FBXW7: variants seen among roughly 807,000 people sequenced by gnomAD.
The protein encoded by FBXW7 is F-box and WD repeat domain containing 7, also known as F-box/WD repeat-containing protein 7.
In FBXW7, 11 loss-of-function variants were observed where a neutral mutation model predicts 86.3. That is an observed-to-expected ratio of 0.13 (90% CI 0.08 to 0.21). The LOEUF is 0.21. Among genes scored for constraint, FBXW7 ranks in the 10% least tolerant of loss-of-function variants. The pLI, the probability that FBXW7 is intolerant of heterozygous loss-of-function variation, is 1.00. For missense variants in FBXW7, 488 were observed against 847.4 expected (o/e 0.58, Z 5.27); for synonymous variants, 313 against 297.9 (o/e 1.05, Z -0.52).
chr4:152,477,397 T>A (rs1412584700), intron 2 of FBXW7, among the ~76,000 whole-genome samples: 1 of 152,186 alleles, frequency 6.6e-6, no homozygotes, highest in Non-Finnish European at 1.5e-5. Flanking sequence ...TCCACCCTCA[T>A]TGAATACGTA....
Position 152,321,755 on chromosome 4 carries a change from C to T in FBXW7, c.*1126G>A, listed in dbSNP as rs1366690664. On this transcript the variant is annotated 3_prime_UTR_variant, in exon 14 of 14. Transcript: ENST00000281708. ...GTCAGTTTTACGATGTACGTTCATC[C>T]ATTCACCACAGCCCTCAAAAAGAAA... 4.3e-6 allele frequency: 1 copy of T among 232,772 alleles called. No homozygotes were observed. Among genetic ancestry groups the T allele is most frequent in the East Asian group, 6.1e-5 (1 of 16,476 alleles). 14.4% of individuals were successfully genotyped at this position (232,772 alleles called of 1,614,324 possible).
chr4:152,434,698 G>A (rs1740216499), intron 2 of FBXW7, among the ~76,000 whole-genome samples: 1 of 151,836 alleles, frequency 6.6e-6, no homozygotes, highest in African/African-American at 2.4e-5. Context: ...TTACCAGCAG[G>A]GTAAGACAAA....
intron 2 of FBXW7, among the ~76,000 whole-genome samples, chr4:152,473,803 C>G (rs1040878832): frequency 1.3e-4 from 20 of 152,038 alleles, no homozygotes; most frequent in African/African-American, 4.6e-4. Context: ...ATATTTTCAC[C>G]AAGAATAACT....
At chr4:152,454,318 T>TTC (rs961458664) in intron 2 of FBXW7, among the ~76,000 whole-genome samples, 16 of 144,230 alleles carry the variant, frequency 1.1e-4, no homozygotes, top group Non-Finnish European at 2.3e-4. Context: ...GTGTCTCATA[T>TTC]TCTGAAATTG....
At chr4:152,483,095 G>C (rs1037366100) in intron 2 of FBXW7, among the ~76,000 whole-genome samples, 4 of 151,896 alleles carry the variant, frequency 2.6e-5, no homozygotes, top group African/African-American at 9.7e-5. Context: ...TATTTTGTTG[G>C]AATATTATTA....
intron 4 of FBXW7, among the ~76,000 whole-genome samples, chr4:152,354,458 G>A (rs1294794500): frequency 6.6e-6 from 1 of 152,134 alleles, no homozygotes; most frequent in Non-Finnish European, 1.5e-5. Flanking sequence ...TCTGGGCTAT[G>A]AGAACACCTG....
intron 2 of FBXW7, among the ~76,000 whole-genome samples, chr4:152,490,816 T>G (rs950082888): frequency 6.6e-6 from 1 of 152,288 alleles, no homozygotes; most frequent in Admixed American, 6.5e-5. Flanking sequence ...TTATTACTTA[T>G]GAGCTCACAC....
chr4:152,433,334 G>T (rs1288683941), intron 2 of FBXW7, among the ~76,000 whole-genome samples: 1 of 152,200 alleles, frequency 6.6e-6, no homozygotes, highest in East Asian at 1.9e-4. Flanking sequence ...AGCCATGTAA[G>T]AGAGTTTCAG....
At chr4:152,405,793 T>G (rs1198184281) in intron 4 of FBXW7, among the ~76,000 whole-genome samples, 1 of 152,128 alleles carries the variant, frequency 6.6e-6, no homozygotes, top group Non-Finnish European at 1.5e-5. Context: ...TAAGAAAAAG[T>G]CAAGCCACTT....
At chr4:152,454,868 A>G (rs1356090960) in intron 2 of FBXW7, among the ~76,000 whole-genome samples, 1 of 152,126 alleles carries the variant, frequency 6.6e-6, no homozygotes, top group Admixed American at 6.6e-5. Flanking sequence ...AAATTATTCT[A>G]CCAAACAATG....
intron 4 of FBXW7, among the ~76,000 whole-genome samples, chr4:152,402,408 C>T (rs1560853108): frequency 6.6e-6 from 1 of 151,998 alleles, no homozygotes; most frequent in Non-Finnish European, 1.5e-5. Context: ...ATAAATATAC[C>T]ACAGTAACAG....
chr4:152,471,337 A>C (rs529663624), intron 2 of FBXW7, among the ~76,000 whole-genome samples: 7 of 151,386 alleles, frequency 4.6e-5, no homozygotes, highest in Non-Finnish European at 1.5e-5. Context: ...ACAAACAAAC[A>C]ATTTCATTAC....
At chr4:152,405,080 AG>A (rs1279159590) in intron 4 of FBXW7, among the ~76,000 whole-genome samples, 1 of 140,720 alleles carries the variant, frequency 7.1e-6, no homozygotes, top group Non-Finnish European at 1.5e-5. Context: ...TGGGCAACAA[AG>A]CAAGACCTTG....
Position 152,360,725 on chromosome 4 carries a change from G to A in FBXW7, c.502-10601C>T, listed in dbSNP as rs762894558. ...TAAAACTAGAAGGTATGTGAGATTC[G>A]ATAACACAATATAAGGTACGGTCCT... is the stretch of plus-strand genomic sequence containing the variant. On this transcript the variant is annotated intron_variant, in intron 4 of 13. Transcript: ENST00000281708. 1.5e-4 allele frequency among the ~76,000 whole-genome samples: 23 copies of A among 151,922 alleles called. No individual in the cohort carries two copies. The South Asian group carries it at 3.5e-3, about 23-fold the overall frequency.
At chr4:152,445,910 TAAAAAAAAAAAAAAA>T (rs11457603) in intron 2 of FBXW7, among the ~76,000 whole-genome samples, 50,582 of 102,346 alleles carry the variant, frequency 0.49, 10,834 homozygotes, top group Middle Eastern at 0.62. Context: ...ACTCTGTCTT[TAAAAAAAAAAAAAAA>T]AAAAAAAAAA....
chr4:152,497,386 C>A (rs1415875865), intron 2 of FBXW7, among the ~76,000 whole-genome samples: 1 of 141,416 alleles, frequency 7.1e-6, no homozygotes, highest in Non-Finnish European at 1.5e-5. Flanking sequence ...CTATGAGATA[C>A]TTGCAATGCA....
At chr4:152,358,075 C>T (rs767535562) in intron 4 of FBXW7, among the ~76,000 whole-genome samples, 1 of 152,098 alleles carries the variant, frequency 6.6e-6, no homozygotes, top group Non-Finnish European at 1.5e-5. Flanking sequence ...GCTTAAAATC[C>T]AAAATAAACT....
intron 2 of FBXW7, among the ~76,000 whole-genome samples, chr4:152,482,425 C>T (rs999427363): frequency 6.6e-6 from 1 of 152,172 alleles, no homozygotes. Flanking sequence ...ACAACATCTC[C>T]AAGATATGCC....
chr4:152,347,525 T>C (rs983281921), intron 5 of FBXW7, among the ~76,000 whole-genome samples: 3 of 152,162 alleles, frequency 2.0e-5, no homozygotes, highest in African/African-American at 7.2e-5. Flanking sequence ...TTCAAATGTT[T>C]TGAATTTCAA....
Sources: gnomAD v4.1 joint callset for allele counts (sites outside exome capture counted in the v4.1 genomes callset) on GRCh38, gnomAD v4.1.1 for gene constraint, MANE v1.5 for transcripts, NCBI Gene and HGNC (gene_info 2026-07-23, HGNC 2026-07-21) for gene names.